MYO5A: variants seen among roughly 807,000 people sequenced by gnomAD.
The protein encoded by MYO5A is myosin VA, also known as unconventional myosin-Va.
A neutral mutation model predicts 249.7 loss-of-function variants in MYO5A; 98 were observed. The ratio of observed to expected loss-of-function variants is 0.39; its 90% CI spans 0.33 to 0.46. The LOEUF (loss-of-function observed/expected upper bound fraction) is 0.46, where lower values mean the gene tolerates loss of function less well. Ranked by LOEUF, MYO5A falls within the 20% of genes least tolerant of loss-of-function variation. The pLI is 0.98. For missense variants in MYO5A, 1,696 were observed against 2,308.8 expected, an observed-to-expected ratio of 0.73 and a Z score of 5.44; for synonymous variants, 778 against 810.6, an observed-to-expected ratio of 0.96 and a Z score of 0.68.
At chr15:52,528,942 C>CGCGGGGCGGG (rs550600899), upstream of MYO5A, 588 of 666,104 alleles carry the variant, frequency 8.8e-4, 1 homozygote, top group Non-Finnish European at 9.9e-4. Flanking sequence ...GGGAGGGCCG[C>CGCGGGGCGGG]GCGGGGCGGG....
At chr15:52,354,450 A>AT (rs1214122179) in intron 25 of MYO5A, among the ~76,000 whole-genome samples, 7 of 152,094 alleles carry the variant, frequency 4.6e-5, no homozygotes, top group Non-Finnish European at 7.4e-5. Flanking sequence ...TCATTGAAGC[A>AT]TTTTTTTTGT....
Position 52,387,845 on chromosome 15 carries a change from A to C in MYO5A, c.1736T>G (p.Val579Gly). Residue 579 changes from valine to glycine, a missense_variant, in exon 14 of 42, where the codon GTT becomes GGT. Val to Gly is a moderately radical substitution (Grantham distance 109, BLOSUM62 -3). Transcript: ENST00000399233. ...CATAGTTACCTTGCTTGATTTAAGA[A>C]CTTTAATTTGTTCTTCAAAAACGGT... is the stretch of plus-strand genomic sequence containing the variant. ...KDTVFEEQIK[V>G]LKSSKFKMLP... The C allele has an allele frequency of 6.2e-7, 1 of 1,608,388 alleles. No homozygotes were observed. Among genetic ancestry groups the C allele is most frequent in the Non-Finnish European group, 8.5e-7 (1 of 1,175,214 alleles).
chr15:52,319,446 A>T, intron 38 of MYO5A, 104 bp from the exon 39 acceptor site: 2 of 1,316,494 alleles, frequency 1.5e-6, no homozygotes, highest in Non-Finnish European at 1.1e-6. Context: ...TAGGAAAATT[A>T]GCTGGGCACG....
intron 1 of MYO5A, among the ~76,000 whole-genome samples, chr15:52,511,880 T>A (rs1237933556): frequency 6.6e-6 from 1 of 152,212 alleles, no homozygotes; most frequent in Non-Finnish European, 1.5e-5. Context: ...AACATTGATA[T>A]CGGCTGGGCG....
intron 13 of MYO5A, 132 bp downstream of exon 13, chr15:52,389,106 C>G: frequency 1.2e-6 from 1 of 864,508 alleles, no homozygotes; most frequent in Non-Finnish European, 1.7e-6. Flanking sequence ...CATGTCAACA[C>G]TGAAGACTGC....
At chr15:52,522,457 T>C (rs2077642403) in intron 1 of MYO5A, among the ~76,000 whole-genome samples, 1 of 152,202 alleles carries the variant, frequency 6.6e-6, no homozygotes, top group African/African-American at 2.4e-5. Flanking sequence ...ATGGAGGACA[T>C]GCCTTCAGGT....
chr15:52,472,442 C>T lies in MYO5A; in HGVS notation c.28-39157G>A, dbSNP rs565792629. ...TAAGTTCTAGGGTACATGTGCACAA[C>T]GTGCAGGTTTGTTACATATGTATAC... On this transcript the variant is annotated intron_variant, in intron 1 of 41. Transcript: ENST00000399233. Among the ~76,000 whole-genome samples the T allele has an allele frequency of 1.8e-3, 279 of 152,062 alleles. 1 individual carries two copies. Among genetic ancestry groups the T allele is most frequent in the African/African-American group, 6.4e-3 (266 of 41,462 alleles).
chr15:52,326,670 CGT>C (rs1644710519), intron 36 of MYO5A, among the ~76,000 whole-genome samples: 1 of 152,076 alleles, frequency 6.6e-6, no homozygotes. Context: ...CTTAATGCCA[CGT>C]AACTGTACAC....
intron 1 of MYO5A, chr15:52,505,483 G>C (rs779407419): frequency 1.8e-6 from 2 of 1,107,284 alleles, no homozygotes; most frequent in African/African-American, 3.1e-5. Context: ...TAAAGATGAT[G>C]ATGACATTGA....
At chr15:52,352,823 CCTT>C (rs1402925743) in intron 27 of MYO5A, among the ~76,000 whole-genome samples, 1 of 152,084 alleles carries the variant, frequency 6.6e-6, no homozygotes, top group Non-Finnish European at 1.5e-5. Flanking sequence ...TATTTAAAGT[CCTT>C]CTTTTTTCTA....
intron 1 of MYO5A, 122 bp downstream of exon 1, chr15:52,528,658 T>A (rs2077768551): frequency 3.4e-6 from 4 of 1,176,682 alleles, no homozygotes; most frequent in Admixed American, 6.7e-5. Flanking sequence ...TCTGAGGCGC[T>A]GAAGGGGATG....
At chr15:52,387,126 T>C (rs1447033896) in intron 14 of MYO5A, among the ~76,000 whole-genome samples, 1 of 152,214 alleles carries the variant, frequency 6.6e-6, no homozygotes, top group Non-Finnish European at 1.5e-5. Context: ...CTCTGCTCTC[T>C]GTGGGATGAA....
At chr15:52,445,335 C>T (rs1016348388) in intron 1 of MYO5A, among the ~76,000 whole-genome samples, 1 of 152,178 alleles carries the variant, frequency 6.6e-6, no homozygotes, top group East Asian at 1.9e-4. Context: ...ACCGTGAAAG[C>T]TCCCTGAGGC....
chr15:52,441,540 C>A (rs1490942321), intron 1 of MYO5A, among the ~76,000 whole-genome samples: 1 of 152,178 alleles, frequency 6.6e-6, no homozygotes. Flanking sequence ...GTTTGCTATA[C>A]CCTGAACAAG....
In MYO5A at chr15:52,444,484, A is replaced by G. The variant is rs117029672; in HGVS notation, c.28-11199T>C. Among the ~76,000 whole-genome samples the G allele has an allele frequency of 1.2e-3, 190 of 152,326 alleles. 3 individuals are homozygous for G. In the East Asian group the frequency reaches 0.034, roughly 27 times the overall value. On this transcript the variant is annotated intron_variant, in intron 1 of 41. Transcript: ENST00000399233. Reference sequence around the variant, plus strand: ...TTAAAGAAGTTCCTTATTCAACAAAACACTTGAGAGAAGTTAGATAACTTG... The same window carrying G: ...TTAAAGAAGTTCCTTATTCAACAAAGCACTTGAGAGAAGTTAGATAACTTG...
rs117246758 is a variant in MYO5A at position 52,489,815 on chromosome 15, A to C, written c.27+38965T>G. On this transcript the variant is annotated intron_variant, in intron 1 of 41. Transcript: ENST00000399233. ...AGACTAGCCTAGGCAACATAGTGAG[A>C]CCTGTCTCTAAGTAAATTTAAAACA... 4.1e-3 allele frequency among the ~76,000 whole-genome samples: 626 copies of C among 152,334 alleles called. 37 individuals carry two copies. In the East Asian group the frequency reaches 0.11, roughly 26 times the overall value.
At chr15:52,374,212 A>G (rs2041281703) in intron 20 of MYO5A, among the ~76,000 whole-genome samples, 1 of 152,230 alleles carries the variant, frequency 6.6e-6, no homozygotes, top group Non-Finnish European at 1.5e-5. Context: ...TGGTGACCCC[A>G]TTAATTATTG....
intron 11 of MYO5A, among the ~76,000 whole-genome samples, chr15:52,392,831 C>T (rs2042306268): frequency 1.3e-5 from 2 of 152,238 alleles, no homozygotes; most frequent in African/African-American, 4.8e-5. Context: ...AAGAAGCGGA[C>T]AGAAACCAAA....
At chr15:52,329,350 A>G (rs559482438) in intron 35 of MYO5A, among the ~76,000 whole-genome samples, 3 of 152,342 alleles carry the variant, frequency 2.0e-5, no homozygotes, top group Admixed American at 2.0e-4. Flanking sequence ...CACTGCTGTC[A>G]CCCTGGCACC....
Sources: gnomAD v4.1 joint callset for allele counts (sites outside exome capture counted in the v4.1 genomes callset) on GRCh38, gnomAD v4.1.1 for gene constraint, MANE v1.5 for transcripts, NCBI Gene and HGNC (gene_info 2026-07-23, HGNC 2026-07-21) for gene names.